MYO5B: variants seen among roughly 807,000 people sequenced by gnomAD.
MYO5B encodes the protein myosin VB.
A neutral mutation model predicts 229.3 loss-of-function variants in MYO5B; 143 were observed. The observed-to-expected ratio is 0.62, with a 90% CI of 0.54 to 0.72. The LOEUF (loss-of-function observed/expected upper bound fraction) is 0.72. MYO5B is among the 30% of genes least tolerant of loss of function. The pLI is 0.00. For synonymous variants in MYO5B, 918 were observed against 885.2 expected (o/e 1.04, Z -0.66); for missense variants, 2,321 against 2,331.0 (o/e 1.00, Z 0.09).
chr18:49,916,331 G>A (rs1238790058), intron 17 of MYO5B, among the ~76,000 whole-genome samples: 1 of 152,232 alleles, frequency 6.6e-6, no homozygotes, highest in Non-Finnish European at 1.5e-5. Flanking sequence ...TGGAGAACAG[G>A]AGGACAGAAG....
chr18:50,096,918 G>A (rs1201302931), intron 1 of MYO5B, among the ~76,000 whole-genome samples: 1 of 152,118 alleles, frequency 6.6e-6, no homozygotes, highest in East Asian at 1.9e-4. Flanking sequence ...AGCTCCTGCG[G>A]GAGACAACAC....
intron 4 of MYO5B, among the ~76,000 whole-genome samples, chr18:50,022,676 G>A (rs1401815381): frequency 6.6e-6 from 1 of 152,178 alleles, no homozygotes; most frequent in East Asian, 1.9e-4. Flanking sequence ...CAAGAGTGAG[G>A]TTTAAGCAAT....
Position 50,096,917 on chromosome 18 carries a change from G to A in MYO5B, c.28-41539C>T, listed in dbSNP as rs1486775281. 5.9e-5 allele frequency among the ~76,000 whole-genome samples: 9 copies of A among 152,064 alleles called. No homozygotes were observed. In the East Asian group the frequency reaches 1.2e-3, roughly 20 times the overall value. On this transcript the variant is annotated intron_variant, in intron 1 of 39. Coordinates refer to ENST00000285039, the MANE Select transcript of MYO5B (RefSeq NM_001080467.3). ...GACAACGTCTGCTCCCAGCTCCTGC[G>A]GGAGACAACACCTGGGCCAGCAGAC... is the stretch of plus-strand genomic sequence containing the variant.
intron 12 of MYO5B, among the ~76,000 whole-genome samples, chr18:49,959,172 CACG>C (rs1350493612): frequency 1.3e-5 from 2 of 152,168 alleles, no homozygotes; most frequent in Non-Finnish European, 2.9e-5. Context: ...ATGCTCTCCC[CACG>C]ACGCTCTTCC....
chr18:49,830,547 C>A (rs1416709327), intron 39 of MYO5B, among the ~76,000 whole-genome samples: 2 of 152,048 alleles, frequency 1.3e-5, no homozygotes, highest in African/African-American at 2.4e-5. Flanking sequence ...CCAAAGCAAT[C>A]CTGAAAAATA....
In MYO5B at chr18:49,877,754, A is replaced by G. The variant is rs75971548; in HGVS notation, c.3396+9T>C. 0.055 allele frequency: 88,590 copies of G among 1,613,816 alleles called. 3,302 individuals carry two copies. The highest frequency in any genetic ancestry group is 0.16 in the South Asian group (14,935 of 91,068). ...AGGAGGACAGTACCCAAGAGCCTGCATCACTCACCTCCACCTGCTGGAGGG... is the reference window on the plus strand; with the variant it reads ...AGGAGGACAGTACCCAAGAGCCTGCGTCACTCACCTCCACCTGCTGGAGGG... On this transcript the variant is annotated intron_variant, in intron 25 of 39. Coordinates refer to ENST00000285039, the MANE Select transcript of MYO5B (RefSeq NM_001080467.3).
intron 27 of MYO5B, among the ~76,000 whole-genome samples, chr18:49,865,343 G>T (rs1023926353): frequency 2.0e-5 from 3 of 152,146 alleles, no homozygotes; most frequent in African/African-American, 7.2e-5. Flanking sequence ...CCATATATGT[G>T]GTGATTTCCA....
intron 3 of MYO5B, 87 bp downstream of exon 3, chr18:50,040,056 T>C (rs2029963630): frequency 7.2e-7 from 1 of 1,395,582 alleles, no homozygotes; most frequent in Non-Finnish European, 1.0e-6. Flanking sequence ...GAGAGTGAAA[T>C]GAGGACTCCT....
At chr18:50,036,808 A>G (rs749189474) in intron 4 of MYO5B, 42 bp downstream of exon 4, 2 of 1,612,430 alleles carry the variant, frequency 1.2e-6, no homozygotes, top group South Asian at 2.2e-5. Context: ...CTTCCTGCCC[A>G]CTGACTACTC....
intron 13 of MYO5B, 78 bp downstream of exon 13, chr18:49,954,235 C>A: frequency 6.3e-7 from 1 of 1,590,290 alleles, no homozygotes; most frequent in Non-Finnish European, 8.6e-7. Flanking sequence ...GGACAGATTT[C>A]TCTCTAGGTC....
chr18:50,172,705 G>A (rs545799275), intron 1 of MYO5B, among the ~76,000 whole-genome samples: 1 of 152,346 alleles, frequency 6.6e-6, no homozygotes, highest in East Asian at 1.9e-4. Context: ...GCAGTGAACA[G>A]GACAAGTGCT....
At chr18:49,945,324 C>T (rs1419513207) in intron 14 of MYO5B, among the ~76,000 whole-genome samples, 14 of 152,128 alleles carry the variant, frequency 9.2e-5, no homozygotes, top group Non-Finnish European at 2.1e-4. Flanking sequence ...CTGGGAACTC[C>T]GAATTCAATA....
chr18:49,894,114 C>T (rs16951192), intron 22 of MYO5B, among the ~76,000 whole-genome samples: 3,404 of 152,312 alleles, frequency 0.022, 139 homozygotes, highest in African/African-American at 0.077. Context: ...CAGGGCCCTT[C>T]CTGCAGCAGC....
intron 14 of MYO5B, among the ~76,000 whole-genome samples, chr18:49,952,579 G>C (rs7229098): frequency 0.35 from 53,453 of 152,040 alleles, 10,524 homozygotes; most frequent in Middle Eastern, 0.58. Flanking sequence ...TGAAAATGGT[G>C]TGTTTAGGGC....
At chr18:49,885,681 C>T (rs8085667) in intron 22 of MYO5B, among the ~76,000 whole-genome samples, 1 of 152,108 alleles carries the variant, frequency 6.6e-6, no homozygotes, top group Admixed American at 6.5e-5. Flanking sequence ...GGAGGAGCTG[C>T]CCCACCCTCG....
chr18:49,967,835 T>C (rs2025643645), intron 10 of MYO5B, among the ~76,000 whole-genome samples: 1 of 151,432 alleles, frequency 6.6e-6, no homozygotes, highest in Non-Finnish European at 1.5e-5. Context: ...GGTGCTTCTC[T>C]GTGCCTAGAT....
intron 21 of MYO5B, among the ~76,000 whole-genome samples, chr18:49,897,643 T>C (rs1330645082): frequency 6.6e-6 from 1 of 152,206 alleles, no homozygotes; most frequent in African/African-American, 2.4e-5. Context: ...GTTGTACATG[T>C]TTGTGTTTTA....
chr18:50,185,291 A>C (rs902585528), intron 1 of MYO5B, among the ~76,000 whole-genome samples: 17 of 145,110 alleles, frequency 1.2e-4, no homozygotes, highest in African/African-American at 4.5e-4. Context: ...TAAGAATTTA[A>C]AAAAAAAAAA....
intron 33 of MYO5B, 124 bp downstream of exon 33, chr18:49,847,022 G>A: frequency 8.0e-7 from 1 of 1,257,430 alleles, no homozygotes; most frequent in Non-Finnish European, 1.1e-6. Flanking sequence ...GGGCAAGTAG[G>A]AGACAGAGGG....
Sources: allele counts gnomAD v4.1 joint callset (sites outside exome capture counted in the v4.1 genomes callset), GRCh38; gene constraint gnomAD v4.1.1; transcripts MANE v1.5; gene names NCBI Gene and HGNC (gene_info 2026-07-23, HGNC 2026-07-21).